TBC1D14: variants seen among roughly 807,000 people sequenced by gnomAD.
TBC1D14 encodes TBC1 domain family member 14.
A neutral mutation model predicts 79.0 loss-of-function variants in TBC1D14; 26 were observed. The ratio of observed to expected loss-of-function variants is 0.33; its 90% confidence interval spans 0.24 to 0.46. TBC1D14 has a LOEUF of 0.46. Among genes scored for constraint, TBC1D14 ranks in the 20% least tolerant of loss-of-function variants. The pLI is 1.00. For missense variants in TBC1D14, 769 were observed against 887.6 expected (o/e 0.87, Z 1.70); for synonymous variants, 394 against 349.9 (o/e 1.13, Z -1.40).
At chr4:6,992,289 G>T (rs1718577466) in intron 3 of TBC1D14, among the ~76,000 whole-genome samples, 1 of 152,230 alleles carries the variant, frequency 6.6e-6, no homozygotes, top group Non-Finnish European at 1.5e-5. Flanking sequence ...AAGCCGTGTA[G>T]GACTCGGGCT....
At chr4:6,981,938 C>A (rs751612239) in intron 3 of TBC1D14, among the ~76,000 whole-genome samples, 3 of 152,200 alleles carry the variant, frequency 2.0e-5, no homozygotes, top group Admixed American at 6.5e-5. Flanking sequence ...GACTGAAGGC[C>A]TTCCCCTAAC....
intron 2 of TBC1D14, chr4:6,954,473 C>T (rs1714435692): frequency 1.4e-6 from 1 of 696,154 alleles, no homozygotes; most frequent in Non-Finnish European, 2.7e-6. Flanking sequence ...GTGGGTCTCC[C>T]CCGGTGTGAA....
intron 12 of TBC1D14, among the ~76,000 whole-genome samples, chr4:7,018,901 TAATA>T (rs1388273539): frequency 6.6e-6 from 1 of 152,260 alleles, no homozygotes; most frequent in Non-Finnish European, 1.5e-5. Context: ...GTGAGCTTTA[TAATA>T]AATAATCTTG....
intron 11 of TBC1D14, among the ~76,000 whole-genome samples, chr4:7,013,550 G>A (rs749422241): frequency 2.0e-5 from 3 of 152,274 alleles, no homozygotes; most frequent in Middle Eastern, 3.4e-3. Context: ...ACCGTCCACC[G>A]TTGGAAAGCA....
At chr4:6,969,462 G>A (rs1716026376) in intron 3 of TBC1D14, among the ~76,000 whole-genome samples, 1 of 151,992 alleles carries the variant, frequency 6.6e-6, no homozygotes, top group African/African-American at 2.4e-5. Context: ...CTGGAGTGCA[G>A]TGGTGCGATC....
At chr4:6,991,339 G>T (rs1280950269) in intron 3 of TBC1D14, among the ~76,000 whole-genome samples, 2 of 152,208 alleles carry the variant, frequency 1.3e-5, no homozygotes, top group Non-Finnish European at 2.9e-5. Context: ...GTGATGAGGA[G>T]TGTGGCTGCG....
intron 2 of TBC1D14, among the ~76,000 whole-genome samples, chr4:6,950,213 C>A (rs1271781446): frequency 2.0e-5 from 3 of 152,238 alleles, no homozygotes; most frequent in Non-Finnish European, 4.4e-5. Context: ...CTTCCAGCTT[C>A]ATCCGTGTCC....
At chr4:7,024,615 G>A (rs533621313) in intron 12 of TBC1D14, among the ~76,000 whole-genome samples, 5 of 152,202 alleles carry the variant, frequency 3.3e-5, no homozygotes, top group South Asian at 2.1e-4. Flanking sequence ...GTGCAGTGGC[G>A]CCAGCATTGA....
intron 2 of TBC1D14, among the ~76,000 whole-genome samples, chr4:6,925,802 C>T (rs976541673): frequency 5.9e-5 from 9 of 152,140 alleles, no homozygotes; most frequent in Non-Finnish European, 1.3e-4. Context: ...GGAACTTCCC[C>T]GTGCTCAGAC....
At chr4:6,998,576 T>C (rs1357558791) in intron 5 of TBC1D14, among the ~76,000 whole-genome samples, 1 of 151,958 alleles carries the variant, frequency 6.6e-6, no homozygotes, top group Non-Finnish European at 1.5e-5. Context: ...TCTCGCTCTG[T>C]TGCCCAGGCT....
intron 2 of TBC1D14, among the ~76,000 whole-genome samples, chr4:6,935,623 G>T (rs1267291388): frequency 6.7e-6 from 1 of 149,388 alleles, no homozygotes; most frequent in African/African-American, 2.5e-5. Flanking sequence ...TTGTAGTGTT[G>T]CTTCATTGTT....
At chr4:6,962,622 G>T (rs919521635) in intron 2 of TBC1D14, among the ~76,000 whole-genome samples, 2 of 152,060 alleles carry the variant, frequency 1.3e-5, no homozygotes, top group Non-Finnish European at 2.9e-5. Context: ...CTGGGGCAGG[G>T]TTGGTAAATG....
At chr4:7,022,790 T>A (rs559349134) in intron 12 of TBC1D14, among the ~76,000 whole-genome samples, 1 of 151,964 alleles carries the variant, frequency 6.6e-6, no homozygotes, top group Non-Finnish European at 1.5e-5. Context: ...GAGTAACTTA[T>A]GGAGACTCAC....
intron 7 of TBC1D14, among the ~76,000 whole-genome samples, chr4:7,002,777 A>G (rs1422554815): frequency 6.6e-6 from 1 of 152,180 alleles, no homozygotes; most frequent in Non-Finnish European, 1.5e-5. Flanking sequence ...CGATTTTACT[A>G]CGTTTCCAAG....
In TBC1D14 at chr4:6,923,865, T is replaced by A; in HGVS notation, c.476T>A (p.Val159Glu). The A allele has an allele frequency of 1.2e-6, 2 of 1,614,194 alleles. No individual in the cohort carries two copies. The highest frequency in any genetic ancestry group is 1.7e-6 in the Non-Finnish European group (2 of 1,180,040). ...TRSDDVSVCSVSSLGTELSTT... is the reference protein window; with the variant it reads ...TRSDDVSVCSESSLGTELSTT... ...AGCGATGATGTCTCCGTCTGCAGCG[T>A]GTCCAGTCTTGGGACAGAGCTGTCC... Residue 159 changes from valine to glutamate, a missense_variant, in exon 2 of 14, where the codon GTG becomes GAG. Physicochemically the swap from Val to Glu is moderately radical, Grantham distance 121 (BLOSUM62 -2). Transcript: ENST00000409757.
At chr4:7,008,262 G>A (rs190723684) in intron 9 of TBC1D14, among the ~76,000 whole-genome samples, 45 of 152,304 alleles carry the variant, frequency 3.0e-4, no homozygotes, top group Non-Finnish European at 5.6e-4. Flanking sequence ...TTCTTCCCAG[G>A]TCTTTCATTC....
At chr4:7,022,923 C>CTA (rs1179607572) in intron 12 of TBC1D14, among the ~76,000 whole-genome samples, 1 of 151,970 alleles carries the variant, frequency 6.6e-6, no homozygotes, top group South Asian at 2.1e-4. Context: ...AACTATTTGA[C>CTA]TATATATATA....
intron 6 of TBC1D14, among the ~76,000 whole-genome samples, chr4:7,000,213 C>T (rs977496120): frequency 6.6e-6 from 1 of 152,126 alleles, no homozygotes; most frequent in African/African-American, 2.4e-5. Context: ...CTGCTCCCAC[C>T]GAGGGAGACC....
chr4:6,962,874 C>T (rs540554542), intron 2 of TBC1D14, among the ~76,000 whole-genome samples: 41 of 152,286 alleles, frequency 2.7e-4, no homozygotes, highest in African/African-American at 9.6e-4. Context: ...GCCTCCTCAT[C>T]GCCCTATACT....
Sources: gnomAD v4.1 joint callset for allele counts (sites outside exome capture counted in the v4.1 genomes callset) on GRCh38, gnomAD v4.1.1 for gene constraint, MANE v1.5 for transcripts, NCBI Gene and HGNC (gene_info 2026-07-23, HGNC 2026-07-21) for gene names.